MLLT3: variants seen among roughly 807,000 people sequenced by gnomAD.
MLLT3 encodes the protein protein AF-9.
Under a neutral mutation model 53.2 loss-of-function variants are expected in MLLT3, and 4 were observed. That is an observed-to-expected ratio of 0.08 (90% CI 0.04 to 0.17). The LOEUF is 0.17. Among genes scored for constraint, MLLT3 ranks in the 10% least tolerant of loss-of-function variants. MLLT3 has a pLI of 1.00. For synonymous variants in MLLT3, 283 were observed against 230.6 expected (o/e 1.23, Z -2.06); for missense variants, 569 against 684.0 (o/e 0.83, Z 1.87).
chr9:20,373,408 C>T (rs113644783), intron 5 of MLLT3, among the ~76,000 whole-genome samples: 4 of 152,310 alleles, frequency 2.6e-5, no homozygotes, highest in East Asian at 1.9e-4. Context: ...AGAAAAACCA[C>T]ATGTTTACAA....
intron 4 of MLLT3, among the ~76,000 whole-genome samples, chr9:20,419,754 G>C (rs1367086669): frequency 6.6e-6 from 1 of 152,118 alleles, no homozygotes; most frequent in African/African-American, 2.4e-5. Context: ...AATTCAAATA[G>C]CACATCAACC....
chr9:20,572,372 C>T (rs575764916), intron 2 of MLLT3, among the ~76,000 whole-genome samples: 1 of 152,264 alleles, frequency 6.6e-6, no homozygotes, highest in African/African-American at 2.4e-5. Context: ...TTCTTGCCAT[C>T]TCAAAATGGT....
intron 5 of MLLT3, among the ~76,000 whole-genome samples, chr9:20,383,296 T>G (rs888642926): frequency 3.9e-5 from 6 of 151,992 alleles, no homozygotes; most frequent in Admixed American, 3.9e-4. Context: ...AACATAATTA[T>G]ATTTTACTTT....
chr9:20,518,075 C>T (rs550956452), intron 2 of MLLT3, among the ~76,000 whole-genome samples: 76 of 152,304 alleles, frequency 5.0e-4, no homozygotes, highest in Non-Finnish European at 8.4e-4. Flanking sequence ...CGCTGTGGCT[C>T]ACGCCTATAA....
At chr9:20,435,246 G>C (rs1004892101) in intron 4 of MLLT3, among the ~76,000 whole-genome samples, 1 of 152,006 alleles carries the variant, frequency 6.6e-6, no homozygotes, top group Non-Finnish European at 1.5e-5. Flanking sequence ...GTCTCAGTAT[G>C]TTACCCAGGC....
chr9:20,517,148 T>C (rs181423315), intron 2 of MLLT3, among the ~76,000 whole-genome samples: 3 of 152,306 alleles, frequency 2.0e-5, no homozygotes, highest in East Asian at 3.9e-4. Context: ...TAATATTTAC[T>C]GTGTATTATA....
intron 2 of MLLT3, among the ~76,000 whole-genome samples, chr9:20,509,506 G>C (rs1448559907): frequency 6.6e-6 from 1 of 152,148 alleles, no homozygotes; most frequent in African/African-American, 2.4e-5. Flanking sequence ...TTTTGAATTT[G>C]TTGAAGATGT....
At chr9:20,401,012 T>G (rs1266357166) in intron 5 of MLLT3, among the ~76,000 whole-genome samples, 3 of 152,104 alleles carry the variant, frequency 2.0e-5, no homozygotes, top group Non-Finnish European at 4.4e-5. Flanking sequence ...TGAGTTAATG[T>G]GATAAGAATC....
At chr9:20,423,674 C>A (rs537925041) in intron 4 of MLLT3, among the ~76,000 whole-genome samples, 1 of 151,298 alleles carries the variant, frequency 6.6e-6, no homozygotes, top group East Asian at 1.9e-4. Context: ...ATTAGCCAGG[C>A]GTAGTGGCAT....
intron 2 of MLLT3, among the ~76,000 whole-genome samples, chr9:20,476,069 A>AT (rs975800095): frequency 8.6e-5 from 13 of 151,146 alleles, no homozygotes; most frequent in African/African-American, 1.5e-4. Context: ...TTTTTTGTGT[A>AT]TTTTTTTTTA....
At chr9:20,546,464 G>A (rs1045215058) in intron 2 of MLLT3, among the ~76,000 whole-genome samples, 2 of 151,512 alleles carry the variant, frequency 1.3e-5, no homozygotes, top group East Asian at 2.0e-4. Flanking sequence ...GATTGCTTAA[G>A]CCCAAGAGGT....
At chr9:20,520,373 A>G (rs1267212714) in intron 2 of MLLT3, among the ~76,000 whole-genome samples, 4 of 152,110 alleles carry the variant, frequency 2.6e-5, no homozygotes, top group Non-Finnish European at 5.9e-5. Flanking sequence ...AAAAAAGAAT[A>G]TCACTGAGTC....
intron 2 of MLLT3, among the ~76,000 whole-genome samples, chr9:20,542,299 G>A (rs923050758): frequency 8.2e-5 from 12 of 146,564 alleles, no homozygotes; most frequent in African/African-American, 2.0e-4. Context: ...GCCGGACTGC[G>A]GACCGCAGTG....
chr9:20,586,304 A>G (rs148089776), intron 2 of MLLT3, among the ~76,000 whole-genome samples: 1 of 151,650 alleles, frequency 6.6e-6, no homozygotes, highest in African/African-American at 2.4e-5. Context: ...TGGGTGACAG[A>G]GCAAGACCCC....
chr9:20,408,413 T>C (rs961582874), intron 5 of MLLT3, among the ~76,000 whole-genome samples: 12 of 151,486 alleles, frequency 7.9e-5, no homozygotes, highest in Non-Finnish European at 1.6e-4. Context: ...CGTTAGAAAA[T>C]AGGGACAGGT....
intron 2 of MLLT3, among the ~76,000 whole-genome samples, chr9:20,549,305 T>C (rs1237696879): frequency 6.6e-6 from 1 of 152,082 alleles, no homozygotes; most frequent in Non-Finnish European, 1.5e-5. Flanking sequence ...AAAAATGACA[T>C]CAGGCTTTGC....
At chr9:20,517,760 C>T (rs570823921) in intron 2 of MLLT3, among the ~76,000 whole-genome samples, 1 of 151,912 alleles carries the variant, frequency 6.6e-6, no homozygotes, top group South Asian at 2.1e-4. Context: ...TTGCTTGAAC[C>T]TGGAAGACGG....
chr9:20,494,937 T>G (rs1406958762), intron 2 of MLLT3, among the ~76,000 whole-genome samples: 1 of 152,144 alleles, frequency 6.6e-6, no homozygotes. Flanking sequence ...AAGATGATTT[T>G]TTTTCCTCCT....
chr9:20,532,601 C>T, intron 2 of MLLT3: 1 of 249,150 alleles, frequency 4.0e-6, no homozygotes. Context: ...CCGGCCCCTG[C>T]TGTCCTGAAA....
Sources: gnomAD v4.1 joint callset for allele counts (sites outside exome capture counted in the v4.1 genomes callset) on GRCh38, gnomAD v4.1.1 for gene constraint, MANE v1.5 for transcripts, NCBI Gene and HGNC (gene_info 2026-07-23, HGNC 2026-07-21) for gene names.